LAMB3: variants seen among roughly 807,000 people sequenced by gnomAD.
LAMB3 encodes laminin subunit beta 3.
Under a neutral mutation model 140.3 loss-of-function variants are expected in LAMB3, and 104 were observed. The observed-to-expected ratio is 0.74, with a 90% CI of 0.63 to 0.87. LAMB3 has a LOEUF of 0.87. Ranked by LOEUF, LAMB3 falls within the 40% of genes least tolerant of loss-of-function variation. LAMB3 has a pLI of 0.00. For synonymous variants in LAMB3, 592 were observed against 602.9 expected, an observed-to-expected ratio of 0.98 and a Z score of 0.26; for missense variants, 1,531 against 1,575.2, an observed-to-expected ratio of 0.97 and a Z score of 0.47.
At position 209,623,540 on chromosome 1, in the gene LAMB3, A is replaced by T. The variant is rs772433385; in HGVS notation, c.2323T>A (p.Ser775Thr). Residue 775 changes from serine to threonine, a missense_variant, in exon 16 of 23, where the codon TCT becomes ACT. Coordinates refer to ENST00000356082, the MANE Select transcript of LAMB3 (RefSeq NM_000228.3). The surrounding 1 kb of genome is among the most constrained non-coding windows in gnomAD (Gnocchi z 4.2). The stretch of plus-strand genomic sequence containing the variant: ...GTGGGTGTCAGGTCAGGCAACGAAG[A>T]CATCTCCAGCCTCAGGGCCACAAGC... ...PKLVALRLEM[S>T]SLPDLTPTFN... 1.9e-6 allele frequency: 3 copies of T among 1,614,174 alleles called. No individual in the cohort carries two copies. Among genetic ancestry groups the T allele is most frequent in the East Asian group, 2.2e-5 (1 of 44,882 alleles).
rs752906798 is a variant in LAMB3, at chr1:209,622,551, G to A, written c.2686C>T (p.Arg896Trp). The change falls in exon 18 of 23, where the codon CGG becomes TGG. Residue 896 changes from arginine (R) to tryptophan (W), a missense_variant. Coordinates refer to ENST00000356082, the MANE Select transcript of LAMB3 (RefSeq NM_000228.3). ...CTGGGCTCACCTGTTAGGAAGTCCC[G>A]GACCTGCTGGATTAGGAGCCGTGTG... ...RRTRLLIQQV[R>W]DFLTDPDTDA... is the part of the protein sequence containing the mutation. 9.3e-6 allele frequency: 15 copies of A among 1,613,840 alleles called. No homozygotes were observed. The highest frequency in any genetic ancestry group is 8.9e-5 in the East Asian group (4 of 44,880).
intron 8 of LAMB3, among the ~76,000 whole-genome samples, chr1:209,632,311 T>C (rs1447261712): frequency 1.3e-5 from 2 of 152,180 alleles, no homozygotes; most frequent in Non-Finnish European, 2.9e-5. Flanking sequence ...ATAACGAGGG[T>C]TGAGAATCAT....
chr1:209,621,310 C>T (rs550621257), intron 18 of LAMB3, among the ~76,000 whole-genome samples: 1 of 152,342 alleles, frequency 6.6e-6, no homozygotes, highest in African/African-American at 2.4e-5. Context: ...TTGTGGGGCA[C>T]AATCTCCCTA....
Position 209,633,061 on chromosome 1 carries a change from C to T in LAMB3, c.628+9G>A, listed in dbSNP as rs965186471. 5 of 1,594,400 alleles carry T rather than the reference C, an allele frequency of 3.1e-6. No homozygotes were observed. The African/African-American group carries it at 5.4e-5, about 17-fold the overall frequency. ...TAGTTCCATGGACAAGAGAAGTAAC[C>T]ACACTGACCTTGAATTTTTTGACTT... On this transcript the variant is annotated intron_variant, in intron 7 of 22. Transcript: ENST00000356082.
At position 209,618,646 on chromosome 1, in the gene LAMB3, A is replaced by G; in HGVS notation, c.2715T>C (p.Asp905=). Residue 905 remains aspartate, a synonymous_variant, in exon 19 of 23, where the codon GAT becomes GAC. Coordinates refer to ENST00000356082, the MANE Select transcript of LAMB3 (RefSeq NM_000228.3). ...VRDFLTDPDT[D]AATIQEVSEA... ...CGCTGACCTCCTGGATAGTGGCTGC[A>G]TCAGTGTCGGGGTCTGGAAGACAAC... 1 of 1,590,980 alleles carries G rather than the reference A, an allele frequency of 6.3e-7. No individual in the cohort carries two copies. The highest frequency in any genetic ancestry group is 1.1e-5 in the South Asian group (1 of 89,780).
In LAMB3 at chr1:209,650,079, C is replaced by A. The variant is rs139480015; in HGVS notation, c.68G>T (p.Arg23Leu). The change falls in exon 3 of 23, where the codon CGT becomes CTT. Residue 23 changes from arginine to leucine, a missense_variant. Transcript: ENST00000356082. ...CCCAACAGGTGGATAGCAGGCCCCACGGGAGCAGGCTTGTTGGGCATGCAG... is the reference window on the plus strand; with the variant it reads ...CCCAACAGGTGGATAGCAGGCCCCAAGGGAGCAGGCTTGTTGGGCATGCAG... ...GLLHAQQACSRGACYPPVGDL... is the reference protein window; with the variant it reads ...GLLHAQQACSLGACYPPVGDL... The A allele has an allele frequency of 3.1e-6, 5 of 1,614,058 alleles. No homozygotes were observed. Among genetic ancestry groups the A allele is most frequent in the Non-Finnish European group, 4.2e-6 (5 of 1,180,018 alleles).
chr1:209,638,072 T>G, intron 4 of LAMB3, 91 bp from the exon 5 acceptor site: 1 of 1,021,988 alleles, frequency 9.8e-7, no homozygotes, highest in Non-Finnish European at 1.5e-6. Context: ...CTCTAGGAAC[T>G]CAGAAACTCT....
At chr1:209,616,431 T>A in intron 22 of LAMB3, 40 bp downstream of exon 22, 1 of 1,612,570 alleles carries the variant, frequency 6.2e-7, no homozygotes, top group Non-Finnish European at 8.5e-7. Flanking sequence ...CCAGCCTTCA[T>A]GAATGCCCAA....
intron 3 of LAMB3, among the ~76,000 whole-genome samples, chr1:209,639,247 C>T (rs2076441966): frequency 6.6e-6 from 1 of 152,150 alleles, no homozygotes; most frequent in African/African-American, 2.4e-5. Flanking sequence ...CCAGCAAATG[C>T]TTATTTAGCA....
rs752499836 is a variant in LAMB3 at position 209,623,445 on chromosome 1, T to C, written c.2358+60A>G. Reference sequence around the variant, plus strand: ...CCTAATAGGAAGCAGGTGGCAGCAGTTGGTGTGTGACAAGCTGGGGTGTGG... The same window carrying C: ...CCTAATAGGAAGCAGGTGGCAGCAGCTGGTGTGTGACAAGCTGGGGTGTGG... On this transcript the variant is annotated intron_variant, in intron 16 of 22. Transcript: ENST00000356082. The surrounding 1 kb of genome is among the most constrained non-coding windows in gnomAD (Gnocchi z 4.2). The C allele has an allele frequency of 4.4e-5, 66 of 1,504,368 alleles. No individual in the cohort carries two copies. The African/African-American group carries it at 7.9e-4, about 18-fold the overall frequency. The allele number at this position is 1,504,368 out of a possible 1,614,324, so 93.2% of individuals were successfully genotyped here.
Position 209,615,374 on chromosome 1 carries a change from G to C in LAMB3, c.3416C>G (p.Ala1139Gly). 1 of 1,610,206 alleles carries C rather than the reference G, an allele frequency of 6.2e-7. No individual in the cohort carries two copies. Among genetic ancestry groups the C allele is most frequent in the African/African-American group, 1.3e-5 (1 of 74,962 alleles). The change falls in exon 23 of 23, where the codon GCC (alanine) becomes GGC (glycine). Residue 1139 changes from alanine (A) to glycine (G), a missense_variant. Physicochemically the swap from Ala to Gly is moderately conservative, Grantham distance 60 (BLOSUM62 0). Coordinates refer to ENST00000356082, the MANE Select transcript of LAMB3 (RefSeq NM_000228.3). ...CAGGTCCGCTGAGCGCAGCATGATG[G>C]CCTGGCTGCCCCGCAGCAGCTCCAA... ...MELELLRGSQ[A>G]IMLRSADLTG...
intron 3 of LAMB3, among the ~76,000 whole-genome samples, chr1:209,648,978 C>A (rs901713011): frequency 2.0e-5 from 3 of 152,084 alleles, no homozygotes; most frequent in African/African-American, 4.8e-5. Flanking sequence ...CTTACCCAAC[C>A]CTGTCAAATG....
intron 3 of LAMB3, among the ~76,000 whole-genome samples, chr1:209,649,077 A>G (rs941128503): frequency 6.6e-6 from 1 of 152,244 alleles, no homozygotes; most frequent in East Asian, 1.9e-4. Context: ...CATCTGTGCT[A>G]AAATAGCCAA....
chr1:209,626,733 G>T, intron 13 of LAMB3, 134 bp downstream of exon 13: 1 of 727,992 alleles, frequency 1.4e-6, no homozygotes, highest in Non-Finnish European at 2.4e-6. Flanking sequence ...GCACTCACAG[G>T]GCTGCCCAGG....
intron 3 of LAMB3, 57 bp downstream of exon 3, chr1:209,649,907 G>C: frequency 2.5e-6 from 4 of 1,585,162 alleles, no homozygotes; most frequent in Non-Finnish European, 3.5e-6. Context: ...TGGACAAATG[G>C]CAGCTCACAC....
intron 7 of LAMB3, 55 bp downstream of exon 7, chr1:209,633,015 C>A: frequency 7.3e-7 from 1 of 1,366,470 alleles, no homozygotes; most frequent in Non-Finnish European, 1.0e-6. Flanking sequence ...TGGGCTCCAA[C>A]TCTGTTTCCT....
rs116602483 is a variant in LAMB3, at chr1:209,628,129, C to T, written c.1194G>A (p.Gln398=). The T allele has an allele frequency of 3.4e-4, 531 of 1,584,538 alleles. No individual in the cohort carries two copies. Among genetic ancestry groups the T allele is most frequent in the African/African-American group, 3.3e-3 (248 of 74,342 alleles). Residue 398 remains glutamine (Q), a synonymous_variant, in exon 11 of 23, where the codon CAG becomes CAA. Transcript: ENST00000356082. ...CCTGCACATGCTCCTTGCACACACA[C>T]TGCCCGGTCACTGGGTCACAGGGAG... ...PGAPCDPVTG[Q]CVCKEHVQGE...
In LAMB3 at chr1:209,623,023, G is replaced by C. The variant is rs35310684; in HGVS notation, c.2515C>G (p.Leu839Val). The C allele has an allele frequency of 1.9e-6, 3 of 1,613,900 alleles. No individual in the cohort carries two copies. Among genetic ancestry groups the C allele is most frequent in the Non-Finnish European group, 2.5e-6 (3 of 1,180,014 alleles). The change falls in exon 17 of 23, where the codon CTG becomes GTG. Residue 839 changes from leucine to valine, a missense_variant. Leu to Val is a conservative substitution (Grantham distance 32). Transcript: ENST00000356082. The surrounding 1 kb of genome is among the most constrained non-coding windows in gnomAD (Gnocchi z 4.2). The part of the protein sequence containing the change: ...FLMAGQVAEQ[L>V]RGFNAQLQRT... ...TGGAGCTGGGCATTGAAGCCCCGCA[G>C]CTGCTCAGCCACCTGCCCCGCCATC... is the stretch of plus-strand genomic sequence containing the variant.
At position 209,638,527 on chromosome 1, in the gene LAMB3, T is replaced by C; in HGVS notation, c.298+7A>G. On this transcript the variant is annotated splice_region_variant and intron_variant, in intron 4 of 22. Coordinates refer to ENST00000356082, the MANE Select transcript of LAMB3 (RefSeq NM_000228.3). The stretch of plus-strand genomic sequence containing the variant: ...AGTTTGAGTTCCCGTAGATGGCAAA[T>C]GCTCACCATTCTGTGACTGCCACCA... 3 of 1,571,710 alleles carry C rather than the reference T, an allele frequency of 1.9e-6. No homozygotes were observed. Among genetic ancestry groups the C allele is most frequent in the South Asian group, 1.1e-5 (1 of 90,408 alleles).
Sources: gnomAD v4.1 joint callset for allele counts (sites outside exome capture counted in the v4.1 genomes callset) on GRCh38, gnomAD v4.1.1 for gene constraint, Gnocchi (gnomAD v3.1) non-coding constraint, MANE v1.5 for transcripts, NCBI Gene and HGNC (gene_info 2026-07-23, HGNC 2026-07-21) for gene names.